Variants in GTF3C2 observed in about 807,000 individuals in gnomAD.
GTF3C2 encodes the protein general transcription factor 3C polypeptide 2.
In GTF3C2, 17 loss-of-function variants were observed where a neutral mutation model predicts 117.4. The ratio of observed to expected loss-of-function variants is 0.14; its 90% CI spans 0.10 to 0.22. GTF3C2 has a LOEUF of 0.22. GTF3C2 is among the 10% of genes least tolerant of loss of function. The pLI, the probability that GTF3C2 is intolerant of heterozygous loss-of-function variation, is 1.00. For synonymous variants in GTF3C2, 437 were observed against 427.0 expected (o/e 1.02, Z -0.29); for missense variants, 888 against 1,143.6 (o/e 0.78, Z 3.22).
chr2:27,336,947 G>T (rs1425864531), intron 7 of GTF3C2, among the ~76,000 whole-genome samples: 1 of 152,156 alleles, frequency 6.6e-6, no homozygotes, highest in Non-Finnish European at 1.5e-5. Flanking sequence ...CTTCAGGGCT[G>T]TTCATTCTGG....
At chr2:27,342,105 C>T in exon 4 of GTF3C2, 4 of 1,614,166 alleles carry the variant, frequency 2.5e-6, no homozygotes, top group Non-Finnish European at 3.4e-6. Context: ...TCCACCTGGA[C>T]AGGCTGCTGG....
exon 17 of GTF3C2, chr2:27,328,112 G>A (rs762171428): frequency 3.1e-6 from 5 of 1,608,934 alleles, no homozygotes; most frequent in Non-Finnish European, 2.5e-6. Flanking sequence ...GAGGGTTGGG[G>A]ACCCCAGATG....
chr2:27,346,162 T>G (rs564670481), intron 1 of GTF3C2, among the ~76,000 whole-genome samples: 1 of 151,368 alleles, frequency 6.6e-6, no homozygotes, highest in East Asian at 2.0e-4. Flanking sequence ...TAGCTAGGAC[T>G]ATAGGCATGT....
Position 27,334,010 on chromosome 2 carries a change from A to G in GTF3C2, c.1577-11T>C, listed in dbSNP as rs752607382. On this transcript the variant is annotated splice_polypyrimidine_tract_variant and intron_variant, in intron 10 of 18. Coordinates refer to ENST00000264720, the Ensembl canonical transcript of GTF3C2. ...CAGGCTTCACTGCATCTGTGAGGAA[A>G]AAGAGCAGGAACTAACTCTATGGAT... The G allele has an allele frequency of 3.6e-5, 57 of 1,605,020 alleles. No individual in the cohort carries two copies. The Admixed American group carries it at 9.2e-4, about 26-fold the overall frequency.
At chr2:27,337,509 C>A in exon 6 of GTF3C2, 3 of 1,612,500 alleles carry the variant, frequency 1.9e-6, no homozygotes, top group South Asian at 1.1e-5. Flanking sequence ...CACTTCCAGG[C>A]TAAAGGAATC....
intron 12 of GTF3C2, among the ~76,000 whole-genome samples, chr2:27,333,149 G>GC (rs1429051039): frequency 1.3e-5 from 2 of 149,056 alleles, no homozygotes; most frequent in South Asian, 4.3e-4. Context: ...CACCTGGCCG[G>GC]CATCTACTCT....
intron 1 of GTF3C2, among the ~76,000 whole-genome samples, chr2:27,354,533 G>T (rs2148350090): frequency 6.6e-6 from 1 of 152,352 alleles, no homozygotes; most frequent in South Asian, 2.1e-4. Flanking sequence ...GGCCAAGGCA[G>T]ATGGATCACT....
chr2:27,348,424 ACT>A (rs1396453501), intron 1 of GTF3C2, among the ~76,000 whole-genome samples: 1 of 150,214 alleles, frequency 6.7e-6, no homozygotes, highest in African/African-American at 2.5e-5. Context: ...TGGAGTTGAG[ACT>A]CTGTCTCAAA....
At chr2:27,327,152 G>C (rs1242667439) in intron 18 of GTF3C2, 25 bp downstream of exon 18, 1 of 1,218,962 alleles carries the variant, frequency 8.2e-7, no homozygotes, top group Non-Finnish European at 1.2e-6. Context: ...AATGAGAGTG[G>C]AGGGTGGAGA....
intron 1 of GTF3C2, among the ~76,000 whole-genome samples, chr2:27,353,445 TTTTG>T: frequency 6.6e-6 from 1 of 152,008 alleles, no homozygotes; most frequent in South Asian, 2.1e-4. Flanking sequence ...AGTTTTTTGT[TTTTG>T]TTTTTTTGAG....
At chr2:27,345,548 A>C (rs1401207004) in intron 1 of GTF3C2, among the ~76,000 whole-genome samples, 2 of 151,622 alleles carry the variant, frequency 1.3e-5, no homozygotes, top group African/African-American at 4.8e-5. Flanking sequence ...AGCCGAGATC[A>C]TGCCACCGTA....
chr2:27,331,155 C>T (rs908164666), intron 12 of GTF3C2, among the ~76,000 whole-genome samples: 1 of 152,114 alleles, frequency 6.6e-6, no homozygotes, highest in Admixed American at 6.5e-5. Context: ...TAGAGGCACT[C>T]AATCAAGTTT....
intron 12 of GTF3C2, among the ~76,000 whole-genome samples, chr2:27,333,044 A>C (rs1437846532): frequency 6.6e-6 from 1 of 151,742 alleles, no homozygotes; most frequent in Non-Finnish European, 1.5e-5. Flanking sequence ...ATGAGGTCTC[A>C]CTAGGTTGCC....
chr2:27,336,487 G>T, intron 7 of GTF3C2, 62 bp from the exon 8 acceptor site: 1 of 990,722 alleles, frequency 1.0e-6, no homozygotes, highest in South Asian at 1.3e-5. Context: ...AGGACTGAAT[G>T]GGCGCTCCAC....
At chr2:27,336,409 C>T in exon 8 of GTF3C2, 1 of 1,599,736 alleles carries the variant, frequency 6.3e-7, no homozygotes, top group Non-Finnish European at 8.6e-7. Context: ...TCTGGATGTG[C>T]TGTGATCGAG....
At chr2:27,327,590 C>G (rs1007134590) in intron 17 of GTF3C2, among the ~76,000 whole-genome samples, 2 of 148,386 alleles carry the variant, frequency 1.3e-5, no homozygotes, top group South Asian at 4.2e-4. Context: ...TCCCAAAGTG[C>G]TAGGATTACA....
In GTF3C2 at chr2:27,339,428, G is replaced by GA. The variant is rs796760512; in HGVS notation, c.856-1409dup. ...CCGTCTCAAAAAAAAAAAAAAAAAA[G>GA]AAAAAAAAAATCAGTAAAGATCCTG... is the stretch of plus-strand genomic sequence containing the variant. On this transcript the variant is annotated intron_variant, in intron 4 of 18. Transcript: ENST00000264720. 6.0e-4 allele frequency among the ~76,000 whole-genome samples: 81 copies of GA among 134,340 alleles called. 1 individual carries two copies. The highest frequency in any genetic ancestry group is 2.7e-3 in the Admixed American group (37 of 13,630). 88.1% of individuals were successfully genotyped at this position (134,340 alleles called of 152,430 possible).
rs535704706 is a variant in GTF3C2 at position 27,341,821 on chromosome 2, C to G, written c.855+127G>C. ...ATGCCAAATGTTTTGGAAATGGACC[C>G]TTTTTTCTTTAACCTGTTTTGTCTA... On this transcript the variant is annotated intron_variant, in intron 4 of 18. Coordinates refer to ENST00000264720, the Ensembl canonical transcript of GTF3C2. 7.7e-6 allele frequency: 6 copies of G among 781,560 alleles called. No homozygotes were observed. In the Middle Eastern group the frequency reaches 1.3e-3, roughly 175 times the overall value. The allele number at this position is 781,560 out of a possible 1,614,324, so 48.4% of individuals were successfully genotyped here.
chr2:27,338,515 T>G (rs1572572898), intron 4 of GTF3C2, among the ~76,000 whole-genome samples: 1 of 152,184 alleles, frequency 6.6e-6, no homozygotes, highest in Admixed American at 6.5e-5. Flanking sequence ...TCCCATGGCT[T>G]TGACTACTGT....
Sources: gnomAD v4.1 joint callset for allele counts (sites outside exome capture counted in the v4.1 genomes callset) on GRCh38, gnomAD v4.1.1 for gene constraint, MANE v1.5 for transcripts, NCBI Gene and HGNC (gene_info 2026-07-23, HGNC 2026-07-21) for gene names.